Variants in TJP1 observed in about 807,000 individuals in gnomAD.
The protein encoded by TJP1 is tight junction protein 1, also known as tight junction protein ZO-1.
In TJP1, 43 loss-of-function variants were observed where a neutral mutation model predicts 194.2. That is an observed-to-expected ratio of 0.22 (90% confidence interval 0.17 to 0.29). The LOEUF (loss-of-function observed/expected upper bound fraction) is 0.29. TJP1 is among the 10% of genes least tolerant of loss of function. The pLI is 1.00. For missense variants in TJP1, 1,971 were observed against 2,185.7 expected (o/e 0.90, Z 1.96); for synonymous variants, 801 against 779.0 (o/e 1.03, Z -0.47).
intron 25 of TJP1, among the ~76,000 whole-genome samples, chr15:29,708,196 CAAAAAAAA>C (rs770746842): frequency 7.9e-5 from 5 of 63,528 alleles, no homozygotes; most frequent in Admixed American, 1.8e-4. Flanking sequence ...ACTCTTGTCT[CAAAAAAAA>C]AAAAAAAAAA....
chr15:29,879,486 A>G (rs896908516), intron 2 of TJP1, among the ~76,000 whole-genome samples: 2 of 152,158 alleles, frequency 1.3e-5, no homozygotes, highest in African/African-American at 4.8e-5. Flanking sequence ...TAAATTTTGA[A>G]TATTTCTTAG....
chr15:29,841,117 G>A (rs143492761), intron 2 of TJP1, among the ~76,000 whole-genome samples: 45 of 152,244 alleles, frequency 3.0e-4, no homozygotes, highest in African/African-American at 1.0e-3. Flanking sequence ...CAAGAAGGTG[G>A]AATGTGACTG....
At chr15:29,776,816 C>T (rs1279884335) in intron 2 of TJP1, among the ~76,000 whole-genome samples, 1 of 152,060 alleles carries the variant, frequency 6.6e-6, no homozygotes, top group Non-Finnish European at 1.5e-5. Flanking sequence ...AGCTACTGAG[C>T]TTATGGTGGC....
chr15:29,916,012 A>G (rs1473526450), intron 2 of TJP1, among the ~76,000 whole-genome samples: 1 of 152,158 alleles, frequency 6.6e-6, no homozygotes, highest in Non-Finnish European at 1.5e-5. Flanking sequence ...TACTAGGCCA[A>G]GGCGGGCGGA....
chr15:29,758,053 T>A (rs965828294), intron 8 of TJP1, among the ~76,000 whole-genome samples: 4 of 152,252 alleles, frequency 2.6e-5, no homozygotes, highest in Non-Finnish European at 5.9e-5. Context: ...ATGATTTTCT[T>A]ATTAACACTT....
At chr15:29,711,042 TCA>T (rs956387418) in intron 23 of TJP1, 42 bp from the exon 24 acceptor site, 5 of 1,515,090 alleles carry the variant, frequency 3.3e-6, no homozygotes, top group Non-Finnish European at 4.4e-6. Context: ...GAAAATGGAC[TCA>T]CATTTACAAA....
At chr15:29,822,946 C>T (rs543347095), upstream of TJP1, 1 of 152,304 alleles carries the variant, frequency 6.6e-6, no homozygotes, top group Non-Finnish European at 1.5e-5. Context: ...CTGCAAGGCG[C>T]GTCATGGCTT....
At chr15:29,820,212 C>T (rs1482337884) in intron 1 of TJP1, among the ~76,000 whole-genome samples, 1 of 146,964 alleles carries the variant, frequency 6.8e-6, no homozygotes, top group Non-Finnish European at 1.5e-5. Flanking sequence ...ACAAACGCAT[C>T]ATATGTAAAG....
At chr15:29,837,275 GTTTAT>G (rs933942520) in intron 2 of TJP1, among the ~76,000 whole-genome samples, 6 of 152,170 alleles carry the variant, frequency 3.9e-5, no homozygotes, top group African/African-American at 1.4e-4. Context: ...TGATACAGGA[GTTTAT>G]TTTAACTATT....
At chr15:29,926,324 A>G (rs2152261924) in intron 2 of TJP1, among the ~76,000 whole-genome samples, 1 of 152,348 alleles carries the variant, frequency 6.6e-6, no homozygotes, top group South Asian at 2.1e-4. Context: ...AGCATTTGGG[A>G]ACAAGAGCTA....
intron 2 of TJP1, among the ~76,000 whole-genome samples, chr15:29,934,867 T>C (rs1851824001): frequency 6.6e-6 from 1 of 152,232 alleles, no homozygotes; most frequent in South Asian, 2.1e-4. Flanking sequence ...TTGCAAAGAT[T>C]TTCATTTGAC....
At chr15:29,764,890 C>A (rs1455755343) in intron 5 of TJP1, among the ~76,000 whole-genome samples, 1 of 151,946 alleles carries the variant, frequency 6.6e-6, no homozygotes, top group Non-Finnish European at 1.5e-5. Context: ...TCAGCAGTGA[C>A]TGGAAGCAGG....
In TJP1 at chr15:29,727,023, C is replaced by G. The variant is rs199750107; in HGVS notation, c.2101-32G>C. On this transcript the variant is annotated intron_variant, in intron 16 of 27. Transcript: ENST00000614355. The stretch of plus-strand genomic sequence containing the variant: ...ACAGAAAGAAAAATATATACAAAGA[C>G]ACAAGACATCATTAATTAAGAATCA... 3.9e-5 allele frequency: 61 copies of G among 1,581,198 alleles called. No homozygotes were observed. The Middle Eastern group carries it at 5.0e-4, about 13-fold the overall frequency.
chr15:29,912,409 A>G (rs1368834593), intron 2 of TJP1, among the ~76,000 whole-genome samples: 2 of 152,348 alleles, frequency 1.3e-5, no homozygotes, highest in Non-Finnish European at 2.9e-5. Context: ...AAATATTTGT[A>G]GTCAAAGAGG....
chr15:29,705,779 C>G (rs2041859922), intron 25 of TJP1, 34 bp from the exon 26 acceptor site: 10 of 1,586,496 alleles, frequency 6.3e-6, no homozygotes, highest in Non-Finnish European at 6.9e-6. Flanking sequence ...GAGTGAATTC[C>G]TAATAATACA....
chr15:29,733,236 G>A lies in TJP1; in HGVS notation c.1594C>T (p.Pro532Ser), dbSNP rs781353611. The A allele has an allele frequency of 1.9e-6, 3 of 1,613,882 alleles. No homozygotes were observed. Among genetic ancestry groups the A allele is most frequent in the Admixed American group, 3.3e-5 (2 of 59,998 alleles). ...CCTTTGTTAAAACTAAGTCCATAGGGAGATTCCTTTTCATATTCAAAATGG... is the reference window on the plus strand; with the variant it reads ...CCTTTGTTAAAACTAAGTCCATAGGAAGATTCCTTTTCATATTCAAAATGG... ...RTHFEYEKES[P>S]YGLSFNKGEV... The change falls in exon 13 of 28, where the codon CCC becomes TCC. Residue 532 changes from proline to serine, a missense_variant. Physicochemically the swap from Pro to Ser is moderately conservative, Grantham distance 74. Transcript: ENST00000614355.
intron 2 of TJP1, among the ~76,000 whole-genome samples, chr15:29,856,610 G>C (rs1423490242): frequency 6.6e-6 from 1 of 152,102 alleles, no homozygotes; most frequent in Non-Finnish European, 1.5e-5. Context: ...AGAACAGTTG[G>C]ACCTCCGTAT....
chr15:29,754,371 G>C (rs1264391417), intron 8 of TJP1, among the ~76,000 whole-genome samples: 2 of 152,100 alleles, frequency 1.3e-5, no homozygotes, highest in East Asian at 1.9e-4. Context: ...TCTACTTGAG[G>C]GGGGAGGGTA....
chr15:29,702,407 T>C (rs2041605706), intron 27 of TJP1, among the ~76,000 whole-genome samples: 1 of 152,136 alleles, frequency 6.6e-6, no homozygotes, highest in Admixed American at 6.5e-5. Flanking sequence ...TTCTATTAGA[T>C]GTGAAGGCAG....
Sources: allele counts gnomAD v4.1 joint callset (sites outside exome capture counted in the v4.1 genomes callset), GRCh38; gene constraint gnomAD v4.1.1; transcripts MANE v1.5; gene names NCBI Gene and HGNC (gene_info 2026-07-23, HGNC 2026-07-21).